PIAS1: variants seen among roughly 807,000 people sequenced by gnomAD.
PIAS1 encodes protein inhibitor of activated STAT 1, also known as E3 SUMO-protein ligase PIAS1.
PIAS1 carries 6 observed loss-of-function variants against 71.3 expected under a neutral mutation model. The observed-to-expected ratio is 0.08, with a 90% CI of 0.05 to 0.17. PIAS1 has a LOEUF of 0.17. PIAS1 is among the 10% of genes least tolerant of loss of function. The probability of loss-of-function intolerance (pLI) is 1.00; values close to 1 mark genes in which losing one functional copy is unlikely to be tolerated. For missense variants in PIAS1, 555 were observed against 793.6 expected, an observed-to-expected ratio of 0.70 and a Z score of 3.61; for synonymous variants, 303 against 292.9, an observed-to-expected ratio of 1.03 and a Z score of -0.35.
Position 68,191,871 on chromosome 15 carries a change from A to G in PIAS1, c.*4036A>G, listed in dbSNP as rs989731375. ...TTAATAGGATCTTAGACTCTGGACC[A>G]CTGAATCCCTTAATGAGCAGGGAGT... On this transcript the variant is annotated 3_prime_UTR_variant, in exon 14 of 14. Transcript: ENST00000249636. The G allele has an allele frequency of 2.0e-5, 3 of 152,220 alleles. No homozygotes were observed. The highest frequency in any genetic ancestry group is 7.2e-5 in the African/African-American group (3 of 41,448). The allele number at this position is 152,220 out of a possible 1,614,324, so 9.4% of individuals were successfully genotyped here. A position where few individuals can be genotyped will look rare whatever the true frequency, so the allele number is the denominator to read the frequency against.
chr15:68,055,287 C>T, intron 1 of PIAS1: 1 of 827,866 alleles, frequency 1.2e-6, no homozygotes, highest in Admixed American at 6.2e-5. Flanking sequence ...GGACATCTTG[C>T]TGGCCATGTT....
chr15:68,054,577 T>G lies in PIAS1; in HGVS notation c.24+227T>G. ...TGACGGGTCGTCCCCGGCGTGTTAT[T>G]GTTGTGGGCGCCTCTGGCGGGGGTG... On this transcript the variant is annotated intron_variant, in intron 1 of 13. Coordinates refer to ENST00000249636, the MANE Select transcript of PIAS1 (RefSeq NM_016166.3). The surrounding 1 kb of genome is among the most constrained non-coding windows in gnomAD (Gnocchi z 4.6). 2.2e-6 allele frequency: 1 copy of G among 454,832 alleles called. No individual in the cohort carries two copies. The allele number at this position is 454,832 out of a possible 1,614,324, so 28.2% of individuals were successfully genotyped here. A position where few individuals can be genotyped will look rare whatever the true frequency, so the allele number is the denominator to read the frequency against.
At chr15:68,074,385 G>A (rs919121932) in intron 1 of PIAS1, among the ~76,000 whole-genome samples, 1 of 151,932 alleles carries the variant, frequency 6.6e-6, no homozygotes, top group Non-Finnish European at 1.5e-5. Context: ...CAGGCTGGAG[G>A]CTTGATCTGC....
At chr15:68,110,548 A>G (rs1003988235) in intron 2 of PIAS1, among the ~76,000 whole-genome samples, 17 of 152,130 alleles carry the variant, frequency 1.1e-4, no homozygotes, top group Non-Finnish European at 1.5e-4. Context: ...GTGAGGCAAG[A>G]TCGCACCATT....
At chr15:68,162,290 T>G (rs1439778091) in intron 7 of PIAS1, among the ~76,000 whole-genome samples, 1 of 152,174 alleles carries the variant, frequency 6.6e-6, no homozygotes, top group Non-Finnish European at 1.5e-5. Flanking sequence ...AGGTTGATAC[T>G]ATGATCTATA....
In PIAS1 at chr15:68,070,016, A is replaced by G. The variant is rs140381421; in HGVS notation, c.24+15666A>G. Among the ~76,000 whole-genome samples, 820 of 152,272 alleles carry G rather than the reference A, an allele frequency of 5.4e-3. 11 individuals carry two copies. The highest frequency in any genetic ancestry group is 0.019 in the African/African-American group (797 of 41,542). The stretch of plus-strand genomic sequence containing the variant: ...AGTTTAATAGTCATTTGTTGTATAT[A>G]TGCTTCCTAAAGGTAGTTTTTGGAG... On this transcript the variant is annotated intron_variant, in intron 1 of 13. Transcript: ENST00000249636.
chr15:68,130,186 A>T (rs1014010901), intron 2 of PIAS1, among the ~76,000 whole-genome samples: 9 of 152,140 alleles, frequency 5.9e-5, no homozygotes, highest in African/African-American at 2.2e-4. Context: ...AAGATTTTTT[A>T]AAAATAGGAA....
At position 68,054,796 on chromosome 15, in the gene PIAS1, G is replaced by A. The variant is rs2091877727; in HGVS notation, c.24+446G>A. 6.5e-6 allele frequency: 1 copy of A among 153,868 alleles called. No individual in the cohort carries two copies. Among genetic ancestry groups the A allele is most frequent in the Non-Finnish European group, 1.4e-5 (1 of 69,156 alleles). The allele number at this position is 153,868 out of a possible 1,614,324, so 9.5% of individuals were successfully genotyped here. A position where few individuals can be genotyped will look rare whatever the true frequency, so the allele number is the denominator to read the frequency against. On this transcript the variant is annotated intron_variant, in intron 1 of 13. Transcript: ENST00000249636. The surrounding 1 kb of genome is among the most constrained non-coding windows in gnomAD (Gnocchi z 4.6). ...CCTTTGCAGTCCCGGGCTCCTGTCA[G>A]GCGCTCTTCTCAGACCCCCGGGAAC... is the stretch of plus-strand genomic sequence containing the variant.
intron 2 of PIAS1, among the ~76,000 whole-genome samples, chr15:68,102,314 C>T (rs1445790566): frequency 6.6e-6 from 1 of 152,162 alleles, no homozygotes; most frequent in East Asian, 1.9e-4. Flanking sequence ...TTCCATTGAT[C>T]AGTGTTTCTG....
intron 5 of PIAS1, 120 bp from the exon 6 acceptor site, chr15:68,146,445 CT>C: frequency 1.4e-6 from 1 of 698,580 alleles, no homozygotes; most frequent in Non-Finnish European, 2.4e-6. Context: ...TGCTTCTCTA[CT>C]TTTTAATGAA....
chr15:68,166,354 T>A (rs974769673), intron 8 of PIAS1, among the ~76,000 whole-genome samples: 7 of 152,058 alleles, frequency 4.6e-5, no homozygotes, highest in Admixed American at 2.0e-4. Flanking sequence ...TTTTTTTATT[T>A]TTTTTTTCTT....
intron 5 of PIAS1, among the ~76,000 whole-genome samples, chr15:68,146,169 A>G (rs2092806580): frequency 1.3e-5 from 2 of 152,118 alleles, no homozygotes; most frequent in Non-Finnish European, 1.5e-5. Flanking sequence ...ACAAAATCTC[A>G]GCTGTGTTCA....
intron 11 of PIAS1, among the ~76,000 whole-genome samples, chr15:68,177,492 C>T (rs2093027807): frequency 1.3e-5 from 2 of 152,140 alleles, no homozygotes; most frequent in African/African-American, 4.8e-5. Context: ...TGAATGACTT[C>T]TGTTGCAGCA....
Position 68,086,664 on chromosome 15 carries a change from C to T in PIAS1, c.383C>T (p.Ala128Val), listed in dbSNP as rs551507367. 1.2e-6 allele frequency: 2 copies of T among 1,613,414 alleles called. No homozygotes were observed. Among genetic ancestry groups the T allele is most frequent in the Non-Finnish European group, 1.7e-6 (2 of 1,179,354 alleles). Reference sequence around the variant, plus strand: ...CTGGAACTCCCACATCTTACATCAGCTCTTCACCCAGTCCATCCGGATATA... The same window carrying T: ...CTGGAACTCCCACATCTTACATCAGTTCTTCACCCAGTCCATCCGGATATA... The part of the protein sequence containing the change: ...HELELPHLTS[A>V]LHPVHPDIKL... The change falls in exon 2 of 14, where the codon GCT (alanine) becomes GTT (valine). Residue 128 changes from alanine to valine, a missense_variant. Ala to Val is a moderately conservative substitution (Grantham distance 64, BLOSUM62 0). Coordinates refer to ENST00000249636, the MANE Select transcript of PIAS1 (RefSeq NM_016166.3). The surrounding 1 kb of genome is among the most constrained non-coding windows in gnomAD (Gnocchi z 7.2).
intron 2 of PIAS1, among the ~76,000 whole-genome samples, chr15:68,120,265 A>G (rs1226087116): frequency 6.6e-6 from 1 of 151,692 alleles, no homozygotes; most frequent in African/African-American, 2.4e-5. Context: ...ACTCTCTCAT[A>G]TCTGCCAGTC....
At chr15:68,080,947 A>G (rs768720120) in intron 1 of PIAS1, among the ~76,000 whole-genome samples, 1 of 152,202 alleles carries the variant, frequency 6.6e-6, no homozygotes, top group Non-Finnish European at 1.5e-5. Context: ...AACAAGAAGT[A>G]CCTAATTCTT....
At position 68,167,625 on chromosome 15, in the gene PIAS1, A is replaced by T. The variant is rs2092965584; in HGVS notation, c.1008+2821A>T. 6.6e-6 allele frequency among the ~76,000 whole-genome samples: 1 copy of T among 152,234 alleles called. No individual in the cohort carries two copies. The highest frequency in any genetic ancestry group is 2.1e-4 in the South Asian group (1 of 4,834). On this transcript the variant is annotated intron_variant, in intron 8 of 13. Coordinates refer to ENST00000249636, the MANE Select transcript of PIAS1 (RefSeq NM_016166.3). The surrounding 1 kb of genome is among the most constrained non-coding windows in gnomAD (Gnocchi z 4.4). Reference sequence around the variant, plus strand: ...CCCAAATACAAATAACGTGGAATTGATAGAAGAAAAGAAGATAAACTCTGG... The same window carrying T: ...CCCAAATACAAATAACGTGGAATTGTTAGAAGAAAAGAAGATAAACTCTGG...
chr15:68,095,248 C>G (rs2092364063), intron 2 of PIAS1, among the ~76,000 whole-genome samples: 1 of 152,010 alleles, frequency 6.6e-6, no homozygotes, highest in Non-Finnish European at 1.5e-5. Flanking sequence ...TAGTATAATA[C>G]TGTATAGTGT....
At chr15:68,182,425 A>AGTGTGT (rs10532167) in intron 12 of PIAS1, among the ~76,000 whole-genome samples, 13,425 of 123,156 alleles carry the variant, frequency 0.11, 1,108 homozygotes, top group Non-Finnish European at 0.15. Context: ...AGTTACAGCT[A>AGTGTGT]GTGTGTGTGT....
Sources: gnomAD v4.1 joint callset for allele counts (sites outside exome capture counted in the v4.1 genomes callset) on GRCh38, gnomAD v4.1.1 for gene constraint, Gnocchi (gnomAD v3.1) non-coding constraint, MANE v1.5 for transcripts, NCBI Gene and HGNC (gene_info 2026-07-23, HGNC 2026-07-21) for gene names.